Variants in ABCC1 observed in about 807,000 individuals in gnomAD.
The protein encoded by ABCC1 is multidrug resistance-associated protein 1.
Under a neutral mutation model 172.9 loss-of-function variants are expected in ABCC1, and 83 were observed. The ratio of observed to expected loss-of-function variants is 0.48; its 90% CI spans 0.40 to 0.58. ABCC1 has a LOEUF of 0.58. Among genes scored for constraint, ABCC1 ranks in the 20% least tolerant of loss-of-function variants. The probability of loss-of-function intolerance (pLI) is 0.00; values close to 1 mark genes in which losing one functional copy is unlikely to be tolerated. For missense variants in ABCC1, 1,817 were observed against 2,002.7 expected (o/e 0.91, Z 1.77); for synonymous variants, 937 against 825.2 (o/e 1.14, Z -2.32).
Position 16,066,902 on chromosome 16 carries a change from C to CA in ABCC1, c.1678-1241dup, listed in dbSNP as rs59774947. On this transcript the variant is annotated intron_variant, in intron 12 of 30. Coordinates refer to ENST00000399410, the MANE Select transcript of ABCC1 (RefSeq NM_004996.4). ...TGTGCAAAAGAATGAGACTGTGTCT[C>CA]AAAAAAAAAAAAAGTATCTTTAGGT... is the stretch of plus-strand genomic sequence containing the variant. Among the ~76,000 whole-genome samples the CA allele has an allele frequency of 7.2e-4, 106 of 147,018 alleles. 1 individual carries two copies. In the South Asian group the frequency reaches 0.02, roughly 28 times the overall value.
chr16:16,093,232 T>C (rs755455460), intron 19 of ABCC1, among the ~76,000 whole-genome samples: 24 of 152,092 alleles, frequency 1.6e-4, no homozygotes, highest in Non-Finnish European at 3.5e-4. Context: ...CAGGCTACTT[T>C]TAGGTGACAA....
At chr16:15,954,319 C>T (rs1341333420) in intron 1 of ABCC1, among the ~76,000 whole-genome samples, 2 of 152,080 alleles carry the variant, frequency 1.3e-5, no homozygotes, top group African/African-American at 2.4e-5. Context: ...CGTGAGCCAC[C>T]GCGCTCAGCC....
chr16:16,031,253 G>A (rs2048549558), intron 5 of ABCC1, among the ~76,000 whole-genome samples: 1 of 152,184 alleles, frequency 6.6e-6, no homozygotes, highest in Non-Finnish European at 1.5e-5. Context: ...ATCTGCACAA[G>A]GCTGGAACTT....
At chr16:15,971,025 G>A (rs1258826946) in intron 1 of ABCC1, among the ~76,000 whole-genome samples, 1 of 152,204 alleles carries the variant, frequency 6.6e-6, no homozygotes, top group African/African-American at 2.4e-5. Flanking sequence ...ATTTAAAGGA[G>A]CAGAGAGTTT....
At chr16:16,041,207 C>T (rs1437759289) in intron 7 of ABCC1, among the ~76,000 whole-genome samples, 1 of 151,776 alleles carries the variant, frequency 6.6e-6, no homozygotes, top group Non-Finnish European at 1.5e-5. Flanking sequence ...GCTGGTATTA[C>T]AGGCGTGAGC....
In ABCC1 at chr16:15,987,807, C is replaced by T. The variant is rs146429422; in HGVS notation, c.49-20009C>T. On this transcript the variant is annotated intron_variant, in intron 1 of 30. Coordinates refer to ENST00000399410, the MANE Select transcript of ABCC1 (RefSeq NM_004996.4). ...CTCGCTGTCTTCACTGCTTGTTATT[C>T]TTCAGACCTGTTGGCCTCTCTGCGG... Among the ~76,000 whole-genome samples the T allele has an allele frequency of 3.9e-5, 6 of 152,342 alleles. 1 individual carries two copies. In the East Asian group the frequency reaches 1.2e-3, roughly 29 times the overall value.
Position 16,018,159 on chromosome 16 carries a change from T to C in ABCC1, c.615+1538T>C, listed in dbSNP as rs576166167. 7.9e-5 allele frequency among the ~76,000 whole-genome samples: 12 copies of C among 152,286 alleles called. No individual in the cohort carries two copies. The South Asian group carries it at 2.3e-3, about 29-fold the overall frequency. ...GGTTCTGTTGGGTTTGGCCTAAACCTCTGTGAGGGGCAGAGGCTCACCTTG... is the reference window on the plus strand; with the variant it reads ...GGTTCTGTTGGGTTTGGCCTAAACCCCTGTGAGGGGCAGAGGCTCACCTTG... On this transcript the variant is annotated intron_variant, in intron 5 of 30. Coordinates refer to ENST00000399410, the MANE Select transcript of ABCC1 (RefSeq NM_004996.4).
chr16:15,992,142 C>G (rs185236640), intron 1 of ABCC1, among the ~76,000 whole-genome samples: 1 of 151,864 alleles, frequency 6.6e-6, no homozygotes, highest in African/African-American at 2.4e-5. Flanking sequence ...CTGTGTGCTT[C>G]TTTTGAGAAT....
At chr16:16,075,346 C>T (rs185443813) in intron 14 of ABCC1, among the ~76,000 whole-genome samples, 4 of 151,422 alleles carry the variant, frequency 2.6e-5, no homozygotes, top group East Asian at 2.0e-4. Context: ...TGGAGCTGGC[C>T]GGGCATGGTG....
chr16:16,000,692 T>C (rs1238817985), intron 1 of ABCC1, among the ~76,000 whole-genome samples: 29 of 152,216 alleles, frequency 1.9e-4, no homozygotes, highest in Admixed American at 1.9e-3. Context: ...ACTCCTGGGC[T>C]CAAGTGATCC....
chr16:16,070,077 C>G (rs571770553), intron 13 of ABCC1, among the ~76,000 whole-genome samples: 1 of 151,992 alleles, frequency 6.6e-6, no homozygotes, highest in African/African-American at 2.4e-5. Flanking sequence ...ACACATCACT[C>G]AGATTCAACA....
At chr16:16,069,211 A>ATAT (rs2050238118) in intron 13 of ABCC1, among the ~76,000 whole-genome samples, 7 of 127,540 alleles carry the variant, frequency 5.5e-5, no homozygotes, top group East Asian at 2.3e-4. Flanking sequence ...TAAATAAATA[A>ATAT]ATATGTTTGA....
chr16:15,968,877 C>A (rs984471230), intron 1 of ABCC1, among the ~76,000 whole-genome samples: 1 of 151,470 alleles, frequency 6.6e-6, no homozygotes, highest in African/African-American at 2.4e-5. Flanking sequence ...TGCCCACCAC[C>A]ATGCCCAGCT....
intron 19 of ABCC1, among the ~76,000 whole-genome samples, chr16:16,101,563 G>A (rs1356492855): frequency 6.6e-6 from 1 of 152,156 alleles, no homozygotes; most frequent in Non-Finnish European, 1.5e-5. Flanking sequence ...CCATGCTGCT[G>A]GCTGCGTATT....
At position 15,970,052 on chromosome 16, in the gene ABCC1, GA is replaced by G. The variant is rs202045083; in HGVS notation, c.48+20259del. 7.3e-3 allele frequency among the ~76,000 whole-genome samples: 1,115 copies of G among 152,118 alleles called. 23 individuals carry two copies. Among genetic ancestry groups the G allele is most frequent in the African/African-American group, 0.025 (1,048 of 41,528 alleles). The stretch of plus-strand genomic sequence containing the variant: ...TAGCGGGGTTTCATCTGGTTGGAGA[GA>G]AAAAAGGAGACTCCTTAAGTGGGGA... On this transcript the variant is annotated intron_variant, in intron 1 of 30. Transcript: ENST00000399410.
In ABCC1 at chr16:16,044,649, C is replaced by G. The variant is rs1032136427; in HGVS notation, c.1009C>G (p.Leu337Val). 1 of 1,614,126 alleles carries G rather than the reference C, an allele frequency of 6.2e-7. No individual in the cohort carries two copies. Among genetic ancestry groups the G allele is most frequent in the Admixed American group, 1.7e-5 (1 of 60,014 alleles). Residue 337 changes from leucine to valine, a missense_variant, in exon 8 of 31, where the codon CTG (leucine) becomes GTG (valine). Physicochemically the swap from Leu to Val is conservative, Grantham distance 32. Around this residue, in one of 3 missense-constraint regions of ABCC1, gnomAD observed 1,412 missense variants for 1,600.3 expected, o/e 0.88. Transcript: ENST00000399410. ...CTTCTTCTTCAAGGCCATCCACGAC[C>G]TGATGATGTTTTCCGGGCCGCAGAT... ...MSFFFKAIHD[L>V]MMFSGPQILK...
chr16:15,982,534 G>T (rs370778097), intron 1 of ABCC1, among the ~76,000 whole-genome samples: 1 of 151,526 alleles, frequency 6.6e-6, no homozygotes, highest in South Asian at 2.1e-4. Flanking sequence ...CCACCCCCAT[G>T]ATTCAGTTAC....
At chr16:16,067,257 C>T (rs2050146831) in intron 12 of ABCC1, among the ~76,000 whole-genome samples, 1 of 152,148 alleles carries the variant, frequency 6.6e-6, no homozygotes, top group Non-Finnish European at 1.5e-5. Context: ...CACCTTGCCT[C>T]CCTCTTGACA....
At chr16:16,005,258 G>A (rs1487957869) in intron 1 of ABCC1, among the ~76,000 whole-genome samples, 1 of 151,740 alleles carries the variant, frequency 6.6e-6, no homozygotes. Flanking sequence ...CAGCCAAATG[G>A]ACAACTGGGC....
Sources: gnomAD v4.1 joint callset for allele counts (sites outside exome capture counted in the v4.1 genomes callset) on GRCh38, gnomAD v4.1.1 for gene constraint, gnomAD v4.1.1 regional missense constraint, MANE v1.5 for transcripts, NCBI Gene and HGNC (gene_info 2026-07-23, HGNC 2026-07-21) for gene names.